Variants in NALCN observed in about 807,000 individuals in gnomAD.
NALCN encodes the protein sodium leak channel NALCN.
In NALCN, 111 loss-of-function variants were observed where a neutral mutation model predicts 225.3. That is an observed-to-expected ratio of 0.49 (90% CI 0.42 to 0.58). The LOEUF (loss-of-function observed/expected upper bound fraction) is 0.58, where lower values mean the gene tolerates loss of function less well. Ranked by LOEUF, NALCN falls within the 20% of genes least tolerant of loss-of-function variation. The pLI is 0.00. For missense variants in NALCN, 1,378 were observed against 2,202.4 expected (o/e 0.63, Z 7.49); for synonymous variants, 764 against 769.0 (o/e 0.99, Z 0.11).
At chr13:101,226,147 A>G (rs612335) in intron 13 of NALCN, among the ~76,000 whole-genome samples, 150,187 of 152,066 alleles carry the variant, frequency 0.99, 74,184 homozygotes, top group East Asian at 1. Flanking sequence ...CAAATCAAGC[A>G]CCCAAACATC....
intron 36 of NALCN, 146 bp downstream of exon 36, chr13:101,074,368 A>G: frequency 1.5e-6 from 1 of 651,932 alleles, no homozygotes; most frequent in East Asian, 3.3e-5. Flanking sequence ...ATCATTTAAA[A>G]CTTGGCTATT....
At chr13:101,306,329 A>C (rs1226954840) in intron 7 of NALCN, among the ~76,000 whole-genome samples, 1 of 152,210 alleles carries the variant, frequency 6.6e-6, no homozygotes, top group Non-Finnish European at 1.5e-5. Flanking sequence ...GTCTCCAGAC[A>C]CTGGCTTCCA....
rs561653532 is a variant in NALCN, at chr13:101,198,147, G to A, written c.1627-6093C>T. 1.4e-3 allele frequency among the ~76,000 whole-genome samples: 218 copies of A among 152,112 alleles called. 1 individual carries two copies. The highest frequency in any genetic ancestry group is 4.9e-3 in the African/African-American group (204 of 41,500). On this transcript the variant is annotated intron_variant, in intron 13 of 43. Coordinates refer to ENST00000251127, the MANE Select transcript of NALCN (RefSeq NM_052867.4). ...TCTTATGCAAAAATTAATTCAAGAT[G>A]GAATAAAGACTTAAATGTCAGACAT...
intron 6 of NALCN, among the ~76,000 whole-genome samples, chr13:101,362,318 T>C (rs2046273157): frequency 6.6e-6 from 1 of 152,048 alleles, no homozygotes; most frequent in South Asian, 2.1e-4. Context: ...AATACAGAAG[T>C]TTCTCAAATG....
intron 6 of NALCN, among the ~76,000 whole-genome samples, chr13:101,354,728 T>A (rs1055337625): frequency 6.6e-5 from 10 of 152,224 alleles, no homozygotes; most frequent in Admixed American, 6.5e-4. Flanking sequence ...ACCTCTTACA[T>A]ACTTGGAGGT....
chr13:101,309,141 C>T (rs2044252677), intron 7 of NALCN, among the ~76,000 whole-genome samples: 1 of 151,990 alleles, frequency 6.6e-6, no homozygotes, highest in Admixed American at 6.6e-5. Context: ...TTAATTTGTC[C>T]CATTTCAAGG....
chr13:101,220,746 T>G (rs924776618), intron 13 of NALCN, among the ~76,000 whole-genome samples: 2 of 152,104 alleles, frequency 1.3e-5, no homozygotes, highest in African/African-American at 4.8e-5. Context: ...AGCTGGAAAA[T>G]AGAGCAAGTA....
intron 7 of NALCN, among the ~76,000 whole-genome samples, chr13:101,318,986 A>C (rs1419885425): frequency 6.6e-6 from 1 of 152,212 alleles, no homozygotes; most frequent in Non-Finnish European, 1.5e-5. Context: ...ACCTGTGGGT[A>C]AAGTGCTGCT....
chr13:101,340,998 C>G (rs1246100625), intron 7 of NALCN, among the ~76,000 whole-genome samples: 1 of 152,098 alleles, frequency 6.6e-6, no homozygotes, highest in Non-Finnish European at 1.5e-5. Context: ...GCACATATCT[C>G]TATTATACAT....
chr13:101,056,407 C>T (rs570849054), intron 43 of NALCN, among the ~76,000 whole-genome samples: 1 of 151,646 alleles, frequency 6.6e-6, no homozygotes, highest in Non-Finnish European at 1.5e-5. Flanking sequence ...ATTACAGGTG[C>T]ACACCACTAC....
At position 101,055,434 on chromosome 13, in the gene NALCN, C is replaced by T. The variant is rs770837996; in HGVS notation, c.5078G>A (p.Arg1693Lys). 1.2e-6 allele frequency: 2 copies of T among 1,614,130 alleles called. No individual in the cohort carries two copies. Among genetic ancestry groups the T allele is most frequent in the South Asian group, 2.2e-5 (2 of 91,078 alleles). ...GCACACGACAGATTTCATGGTTGTC[C>T]TTCCTCCAAACCGTAAGTTGACTGA... ...VSSVNLRFGG[R>K]TTMKSVVCKM... Residue 1693 changes from arginine (R) to lysine (K), a missense_variant, in exon 44 of 44, where the codon AGG (arginine) becomes AAG (lysine). Transcript: ENST00000251127.
At chr13:101,167,300 A>G (rs9518318) in intron 15 of NALCN, among the ~76,000 whole-genome samples, 36,792 of 152,100 alleles carry the variant, frequency 0.24, 5,234 homozygotes, top group Non-Finnish European at 0.32. Flanking sequence ...ATTGCTTTGG[A>G]TGGTATGAAC....
chr13:101,254,890 CAAAAAAAAA>C (rs149258180), intron 11 of NALCN, among the ~76,000 whole-genome samples: 4 of 38,488 alleles, frequency 1.0e-4, no homozygotes, highest in Admixed American at 3.1e-4. Flanking sequence ...GACTCTGTCT[CAAAAAAAAA>C]AAAAAAAAAA....
rs1232247389 is a variant in NALCN at position 101,377,007 on chromosome 13, A to G, written c.425T>C (p.Leu142Ser). Residue 142 changes from leucine (L) to serine (S), a missense_variant, in exon 5 of 44, where the codon TTG (leucine) becomes TCG (serine). By Grantham distance (145) the Leu-to-Ser change is moderately radical (BLOSUM62 -2). This residue lies in a region of NALCN where 146 missense variants were observed against 205.9 expected (regional missense o/e 0.71). Transcript: ENST00000251127. ...CATAATCAGTGGCCGTGGAATCCGC[A>G]ACATGCCCCAAGGTGACATCTGATC... ...IVDQMSPWGM[L>S]RIPRPLIMIR... The G allele has an allele frequency of 1.4e-5, 22 of 1,614,192 alleles. No homozygotes were observed. In the East Asian group the frequency reaches 4.7e-4, roughly 34 times the overall value.
At chr13:101,116,639 CATT>C (rs1566831505) in intron 18 of NALCN, 1 of 452,056 alleles carries the variant, frequency 2.2e-6, no homozygotes, top group Admixed American at 2.6e-5. Flanking sequence ...TATTTTCACT[CATT>C]ATAGAAAAGT....
At chr13:101,360,189 C>CCTCTCTCT (rs759523803) in intron 6 of NALCN, among the ~76,000 whole-genome samples, 2,063 of 89,182 alleles carry the variant, frequency 0.023, 120 homozygotes, top group East Asian at 0.037. Flanking sequence ...TTCCTCTCTT[C>CCTCTCTCT]CTCTCTCTCT....
In NALCN at chr13:101,397,066, T is replaced by TCA. The variant is rs1555346458; in HGVS notation, c.109-1702_109-1701insTG. Among the ~76,000 whole-genome samples, 361 of 56,362 alleles carry TCA rather than the reference T, an allele frequency of 6.4e-3. 2 individuals are homozygous for TCA. Among genetic ancestry groups the TCA allele is most frequent in the Non-Finnish European group, 0.011 (302 of 28,638 alleles). 37.0% of individuals were successfully genotyped at this position (56,362 alleles called of 152,430 possible). A position where few individuals can be genotyped will look rare whatever the true frequency, so the allele number is the denominator to read the frequency against. The stretch of plus-strand genomic sequence containing the variant: ...AAGAAGTAAAACACCTATGAATGTA[T>TCA]TATATATATATATATATATATATAT... On this transcript the variant is annotated intron_variant, in intron 2 of 43. Transcript: ENST00000251127.
At chr13:101,301,083 A>T (rs1009186512) in intron 7 of NALCN, among the ~76,000 whole-genome samples, 3 of 152,256 alleles carry the variant, frequency 2.0e-5, no homozygotes, top group African/African-American at 4.8e-5. Flanking sequence ...GAAAATTTCT[A>T]AAGTTCCAAG....
chr13:101,224,187 G>A (rs771457699), intron 13 of NALCN, among the ~76,000 whole-genome samples: 83 of 152,082 alleles, frequency 5.5e-4, no homozygotes, highest in South Asian at 2.7e-3. Context: ...ACTTCCCTTC[G>A]CCTCACCTAA....
Sources: gnomAD v4.1 joint callset for allele counts (sites outside exome capture counted in the v4.1 genomes callset) on GRCh38, gnomAD v4.1.1 for gene constraint, gnomAD v4.1.1 regional missense constraint, MANE v1.5 for transcripts, NCBI Gene and HGNC (gene_info 2026-07-23, HGNC 2026-07-21) for gene names.